Variants in MDGA2 observed in about 807,000 individuals in gnomAD.
MDGA2 encodes the protein MAM domain-containing glycosylphosphatidylinositol anchor protein 2.
In MDGA2, 40 loss-of-function variants were observed where a neutral mutation model predicts 117.8. The observed-to-expected ratio is 0.34, with a 90% confidence interval of 0.26 to 0.44. The LOEUF is 0.44. Ranked by LOEUF, MDGA2 falls within the 20% of genes least tolerant of loss-of-function variation. The probability of loss-of-function intolerance (pLI) is 1.00; values close to 1 mark genes in which losing one functional copy is unlikely to be tolerated. For synonymous variants in MDGA2, 452 were observed against 439.0 expected, an observed-to-expected ratio of 1.03 and a Z score of -0.37; for missense variants, 1,123 against 1,250.6, an observed-to-expected ratio of 0.90 and a Z score of 1.54.
intron 7 of MDGA2, among the ~76,000 whole-genome samples, chr14:47,039,859 T>A (rs1384407291): frequency 2.0e-5 from 3 of 152,068 alleles, no homozygotes; most frequent in African/African-American, 7.2e-5. Flanking sequence ...TATAAACAGT[T>A]GTATCTAATT....
intron 3 of MDGA2, among the ~76,000 whole-genome samples, chr14:47,177,567 G>C (rs371632135): frequency 5.3e-5 from 8 of 152,040 alleles, no homozygotes; most frequent in African/African-American, 1.7e-4. Context: ...ATCAAACACC[G>C]CATGTTCTCA....
At chr14:47,488,876 T>C (rs1431249301) in intron 1 of MDGA2, among the ~76,000 whole-genome samples, 1 of 152,008 alleles carries the variant, frequency 6.6e-6, no homozygotes, top group Admixed American at 6.6e-5. Flanking sequence ...CAAATTACTA[T>C]AGTTTTCCTC....
At chr14:46,906,463 G>A (rs1467109169) in intron 10 of MDGA2, among the ~76,000 whole-genome samples, 1 of 151,958 alleles carries the variant, frequency 6.6e-6, no homozygotes, top group Non-Finnish European at 1.5e-5. Flanking sequence ...TAGAAACACT[G>A]AGCCTTGTCA....
At chr14:47,047,291 A>G (rs1208191475) in intron 7 of MDGA2, among the ~76,000 whole-genome samples, 1 of 152,090 alleles carries the variant, frequency 6.6e-6, no homozygotes, top group Admixed American at 6.6e-5. Context: ...TAATCCACAT[A>G]CTAGCTGTGT....
At position 47,216,297 on chromosome 14, in the gene MDGA2, A is replaced by T. The variant is rs555519687; in HGVS notation, c.595+1724T>A. ...TATTGTTGCAGAAATGCAAGTCAAA[A>T]ATTCCATATTCAAAACCTTTGGAGT... On this transcript the variant is annotated intron_variant, in intron 3 of 16. Coordinates refer to ENST00000399232, the MANE Select transcript of MDGA2 (RefSeq NM_001113498.3). Among the ~76,000 whole-genome samples the T allele has an allele frequency of 2.6e-5, 4 of 152,288 alleles. No individual in the cohort carries two copies. The South Asian group carries it at 8.3e-4, about 32-fold the overall frequency.
At chr14:47,565,521 A>T (rs1297572283) in intron 1 of MDGA2, among the ~76,000 whole-genome samples, 1 of 152,166 alleles carries the variant, frequency 6.6e-6, no homozygotes, top group African/African-American at 2.4e-5. Flanking sequence ...GGGCCGAGTG[A>T]GTCCGCATTC....
chr14:47,176,632 C>A (rs1258460969), intron 3 of MDGA2, among the ~76,000 whole-genome samples: 1 of 152,262 alleles, frequency 6.6e-6, no homozygotes, highest in Non-Finnish European at 1.5e-5. Flanking sequence ...CTTCCTTACA[C>A]CTTATACAAA....
intron 8 of MDGA2, among the ~76,000 whole-genome samples, chr14:46,991,630 AC>A (rs1428512758): frequency 3.3e-5 from 5 of 152,118 alleles, no homozygotes; most frequent in African/African-American, 9.7e-5. Context: ...CCAACTTACA[AC>A]AATAGTTAAT....
At chr14:47,284,491 T>A (rs1185298616) in intron 2 of MDGA2, among the ~76,000 whole-genome samples, 2 of 152,184 alleles carry the variant, frequency 1.3e-5, no homozygotes, top group Non-Finnish European at 2.9e-5. Flanking sequence ...TACTCCATAG[T>A]AGGTAAGATG....
At chr14:47,549,314 AG>A (rs1895530609) in intron 1 of MDGA2, among the ~76,000 whole-genome samples, 1 of 147,992 alleles carries the variant, frequency 6.8e-6, no homozygotes, top group Non-Finnish European at 1.5e-5. Context: ...ATTCTAAAAA[AG>A]TTCATGTTGA....
At chr14:47,648,160 TAA>T in intron 1 of MDGA2, among the ~76,000 whole-genome samples, 1 of 152,294 alleles carries the variant, frequency 6.6e-6, no homozygotes, top group South Asian at 2.1e-4. Context: ...TTTATATTGT[TAA>T]GAGACATGAA....
intron 2 of MDGA2, among the ~76,000 whole-genome samples, chr14:47,286,583 T>A (rs1239947571): frequency 2.6e-5 from 4 of 151,920 alleles, no homozygotes; most frequent in Non-Finnish European, 4.4e-5. Context: ...TGTGGTGGAA[T>A]AACATTCCAT....
At chr14:47,053,814 T>G (rs1463212038) in intron 7 of MDGA2, among the ~76,000 whole-genome samples, 3 of 151,802 alleles carry the variant, frequency 2.0e-5, no homozygotes, top group Non-Finnish European at 4.4e-5. Flanking sequence ...TAAAATTCTC[T>G]GCTGGTTATT....
chr14:47,242,841 G>T lies in MDGA2; in HGVS notation c.421-24646C>A, dbSNP rs1427908544. ...CTGAGGAATGCTAGCGCAGGGCACA[G>T]GACTGGCAGGCAGTTCCACCTGCAG... On this transcript the variant is annotated intron_variant, in intron 2 of 16. Transcript: ENST00000399232. Among the ~76,000 whole-genome samples the T allele has an allele frequency of 4.6e-5, 7 of 151,888 alleles. 1 individual carries two copies. The highest frequency in any genetic ancestry group is 1.0e-4 in the Non-Finnish European group (7 of 67,850).
chr14:47,217,426 G>A (rs117369950), intron 3 of MDGA2, among the ~76,000 whole-genome samples: 6,277 of 151,878 alleles, frequency 0.041, 184 homozygotes, highest in Middle Eastern at 0.068. Flanking sequence ...GCAAAATGTA[G>A]GAAAATGAGA....
chr14:47,306,381 G>A (rs189838517), intron 1 of MDGA2, among the ~76,000 whole-genome samples: 3 of 152,178 alleles, frequency 2.0e-5, no homozygotes, highest in African/African-American at 7.2e-5. Context: ...CAATTCATTG[G>A]GGGTGGAGGG....
At chr14:47,065,788 T>G (rs1179454801) in intron 6 of MDGA2, among the ~76,000 whole-genome samples, 4 of 152,188 alleles carry the variant, frequency 2.6e-5, no homozygotes, top group Non-Finnish European at 5.9e-5. Flanking sequence ...AGTATCTATT[T>G]CAGAAGAATG....
intron 1 of MDGA2, among the ~76,000 whole-genome samples, chr14:47,577,207 C>T (rs1431378859): frequency 6.6e-6 from 1 of 152,058 alleles, no homozygotes. Flanking sequence ...ATAAATGGTG[C>T]TGGGAAAACT....
chr14:47,622,153 A>C (rs952387468), intron 1 of MDGA2, among the ~76,000 whole-genome samples: 20 of 152,234 alleles, frequency 1.3e-4, no homozygotes, highest in African/African-American at 3.6e-4. Flanking sequence ...ACAGTTACTT[A>C]ATAAATACAT....
Sources: gnomAD v4.1 joint callset for allele counts (sites outside exome capture counted in the v4.1 genomes callset) on GRCh38, gnomAD v4.1.1 for gene constraint, MANE v1.5 for transcripts, NCBI Gene and HGNC (gene_info 2026-07-23, HGNC 2026-07-21) for gene names.